Variants in EML2 observed in about 807,000 individuals in gnomAD.
The protein encoded by EML2 is echinoderm microtubule-associated protein-like 2.
EML2 carries 59 observed loss-of-function variants against 84.7 expected under a neutral mutation model. The observed-to-expected ratio is 0.70, with a 90% CI of 0.56 to 0.86. The LOEUF is 0.86. Among genes scored for constraint, EML2 ranks in the 40% least tolerant of loss-of-function variants. EML2 has a pLI of 0.00. For synonymous variants in EML2, 352 were observed against 348.9 expected, an observed-to-expected ratio of 1.01 and a Z score of -0.10; for missense variants, 818 against 855.6, an observed-to-expected ratio of 0.96 and a Z score of 0.55.
chr19:45,630,614 C>T (rs974421577), intron 6 of EML2, among the ~76,000 whole-genome samples: 6 of 149,094 alleles, frequency 4.0e-5, no homozygotes, highest in Non-Finnish European at 7.4e-5. Flanking sequence ...CATTAAAATA[C>T]ACCCTCCATT....
At chr19:45,628,255 C>T (rs1456157800) in intron 7 of EML2, among the ~76,000 whole-genome samples, 1 of 151,404 alleles carries the variant, frequency 6.6e-6, no homozygotes, top group African/African-American at 2.4e-5. Context: ...GTAATCCCAA[C>T]TACTTGGGAG....
chr19:45,609,864 C>A (rs1036441462), intron 18 of EML2, 76 bp from the exon 19 acceptor site: 2 of 1,532,848 alleles, frequency 1.3e-6, no homozygotes, highest in African/African-American at 2.8e-5. Flanking sequence ...CTTGTCTTGA[C>A]CCGGTTCTTT....
At chr19:45,645,225 G>A (rs1226519942), upstream of EML2, 5 of 1,515,138 alleles carry the variant, frequency 3.3e-6, no homozygotes, top group East Asian at 5.0e-5. Flanking sequence ...AGAAGAGATG[G>A]GTCCAGCCTT....
rs1477531563 is a variant in EML2 at position 45,638,755 on chromosome 19, AC to A, written c.49+89del. ...GGAAACTGAGGCCAGAGAGGCAAAG[AC>A]CCAGTAGCCAAGACTCCTGACCTCT... is the stretch of plus-strand genomic sequence containing the variant. On this transcript the variant is annotated intron_variant, in intron 2 of 18. Coordinates refer to ENST00000245925, the MANE Select transcript of EML2 (RefSeq NM_012155.4). The A allele has an allele frequency of 1.2e-5, 19 of 1,593,584 alleles. No homozygotes were observed. In the East Asian group the frequency reaches 4.0e-4, roughly 34 times the overall value.
intron 7 of EML2, among the ~76,000 whole-genome samples, chr19:45,629,314 A>C (rs775343423): frequency 6.8e-6 from 1 of 147,478 alleles, no homozygotes; most frequent in Non-Finnish European, 1.5e-5. Flanking sequence ...TAAGTGCCAG[A>C]TTTTCTGTTT....
At position 45,621,630 on chromosome 19, in the gene EML2, G is replaced by A. The variant is rs1029030674; in HGVS notation, c.849C>T (p.Asn283=). 1 of 1,607,406 alleles carries A rather than the reference G, an allele frequency of 6.2e-7. No homozygotes were observed. Among genetic ancestry groups the A allele is most frequent in the African/African-American group, 1.3e-5 (1 of 75,026 alleles). ...GNLYVWGKGG[N]RITQAVLGAH... The stretch of plus-strand genomic sequence containing the variant: ...CGCCCAGCACCGCCTGTGTGATACG[G>A]TTCCCACCTGCAGGGTGGCCAGGGG... The change falls in exon 10 of 19, where the codon AAC becomes AAT. Residue 283 remains asparagine, a synonymous_variant. Coordinates refer to ENST00000245925, the MANE Select transcript of EML2 (RefSeq NM_012155.4).
At chr19:45,643,355 A>C (rs1284384294), upstream of EML2, among the ~76,000 whole-genome samples, 1 of 152,190 alleles carries the variant, frequency 6.6e-6, no homozygotes, top group Non-Finnish European at 1.5e-5. Flanking sequence ...AGGGAGATGC[A>C]GACCGGATTG....
chr19:45,626,162 C>T (rs1259002006), intron 8 of EML2, among the ~76,000 whole-genome samples: 1 of 152,030 alleles, frequency 6.6e-6, no homozygotes, highest in Non-Finnish European at 1.5e-5. Context: ...CAGGTGCACA[C>T]CACCATGCCC....
chr19:45,644,708 C>A, upstream of EML2: 1 of 456,102 alleles, frequency 2.2e-6, no homozygotes, highest in Non-Finnish European at 4.4e-6. Flanking sequence ...TCTCCCCTCA[C>A]CTGAGCCCGA....
At position 45,633,092 on chromosome 19, in the gene EML2, G is replaced by T. The variant is rs554674715; in HGVS notation, c.377C>A (p.Ala126Glu). Residue 126 changes from alanine to glutamate, a missense_variant, in exon 5 of 19, where the codon GCG becomes GAG. Transcript: ENST00000245925. Reference sequence around the variant, plus strand: ...TACCTTCCCTTCCTTAGTGGTTCCCGCCACCTGTCCCGTGGCGATGGTGAC... The same window carrying T: ...TACCTTCCCTTCCTTAGTGGTTCCCTCCACCTGTCCCGTGGCGATGGTGAC... ...DMVTIATGQV[A>E]GTTKEGKPLP... is the part of the protein sequence containing the mutation. 1.5e-4 allele frequency: 242 copies of T among 1,596,930 alleles called. 7 individuals are homozygous for T. The South Asian group carries it at 2.3e-3, about 15-fold the overall frequency.
intron 8 of EML2, 90 bp from the exon 9 acceptor site, chr19:45,624,908 C>A (rs879497004): frequency 3.4e-6 from 3 of 872,346 alleles, no homozygotes; most frequent in Non-Finnish European, 5.6e-6. Flanking sequence ...CGTGGCCAGG[C>A]AATCCCCTCT....
chr19:45,641,624 G>T, upstream of EML2: 1 of 1,534,426 alleles, frequency 6.5e-7, no homozygotes, highest in Non-Finnish European at 8.7e-7. Flanking sequence ...GCGGCTTGAC[G>T]CCGCCCCAGT....
At chr19:45,616,224 G>C in intron 15 of EML2, 1 of 551,076 alleles carries the variant, frequency 1.8e-6, no homozygotes. Flanking sequence ...GGGCGGTCTC[G>C]GAACGTGAGG....
chr19:45,630,235 T>G (rs990767138), intron 6 of EML2, among the ~76,000 whole-genome samples, 189 bp from the exon 7 acceptor site: 1 of 151,542 alleles, frequency 6.6e-6, no homozygotes, highest in Non-Finnish European at 1.5e-5. Context: ...CCCTGTCTCT[T>G]AAACAAAACA....
intron 9 of EML2, 113 bp from the exon 10 acceptor site, chr19:45,621,750 C>CTTTTTTT: frequency 2.0e-6 from 2 of 994,432 alleles, no homozygotes; most frequent in Non-Finnish European, 2.8e-6. Context: ...ACTTTTCCAC[C>CTTTTTTT]TTTTTTTTTT....
At chr19:45,616,885 G>C (rs201246755) in intron 13 of EML2, 32 bp from the exon 14 acceptor site, 1 of 1,540,240 alleles carries the variant, frequency 6.5e-7, no homozygotes, top group Non-Finnish European at 8.9e-7. Flanking sequence ...GGGGGAGGAG[G>C]GGTGAGCTGA....
At chr19:45,639,823 G>A (rs1432133793), upstream of EML2, among the ~76,000 whole-genome samples, 1 of 151,894 alleles carries the variant, frequency 6.6e-6, no homozygotes, top group Admixed American at 6.6e-5. Flanking sequence ...GTGAAACCCC[G>A]TCTCTACTAA....
upstream of EML2, chr19:45,641,834 T>C: frequency 6.7e-7 from 1 of 1,499,970 alleles, no homozygotes; most frequent in Non-Finnish European, 8.9e-7. Flanking sequence ...CTGCACCCTC[T>C]GCTGCTGGAG....
chr19:45,616,210 T>G (rs1971044643), intron 15 of EML2: 2 of 401,734 alleles, frequency 5.0e-6, no homozygotes, highest in African/African-American at 3.2e-5. Flanking sequence ...TCTCGGAACG[T>G]GAGGGGCGGT....
Sources: allele counts gnomAD v4.1 joint callset (sites outside exome capture counted in the v4.1 genomes callset), GRCh38; gene constraint gnomAD v4.1.1; transcripts MANE v1.5; gene names NCBI Gene and HGNC (gene_info 2026-07-23, HGNC 2026-07-21).